The following COL4A4 variants were observed in gnomAD, a reference collection of about 807,000 sequenced individuals.
COL4A4 encodes the protein collagen type IV alpha 4 chain.
In COL4A4, 105 loss-of-function variants were observed where a neutral mutation model predicts 192.9. The ratio of observed to expected loss-of-function variants is 0.54; its 90% CI spans 0.46 to 0.64. The LOEUF (loss-of-function observed/expected upper bound fraction) is 0.64. Among genes scored for constraint, COL4A4 ranks in the 30% least tolerant of loss-of-function variants. COL4A4 has a pLI of 0.00. For missense variants in COL4A4, 1,967 were observed against 2,169.3 expected, an observed-to-expected ratio of 0.91 and a Z score of 1.85; for synonymous variants, 762 against 769.9, an observed-to-expected ratio of 0.99 and a Z score of 0.17.
chr2:227,055,836 G>T, intron 30 of COL4A4, 109 bp downstream of exon 30: 4 of 1,001,908 alleles, frequency 4.0e-6, no homozygotes, highest in Non-Finnish European at 6.1e-6. Context: ...GAAGGACAAA[G>T]CCAGACTAAC....
chr2:227,077,876 A>C lies in COL4A4; in HGVS notation c.1987+18T>G, dbSNP rs2150474510. 6.2e-7 allele frequency: 1 copy of C among 1,604,932 alleles called. No homozygotes were observed. On this transcript the variant is annotated intron_variant, in intron 25 of 47. Coordinates refer to ENST00000396625, the MANE Select transcript of COL4A4 (RefSeq NM_000092.5). ...TACCCCAAAGCTATTGAAATAAATA[A>C]AATTTTTTTAAAATTACCTTTCTGA... is the stretch of plus-strand genomic sequence containing the variant.
chr2:227,018,448 A>G (rs1575782934), intron 44 of COL4A4, among the ~76,000 whole-genome samples: 2 of 152,344 alleles, frequency 1.3e-5, no homozygotes, highest in South Asian at 4.1e-4. Context: ...CAATACAGCC[A>G]GTGTGCCCAG....
chr2:227,011,233 C>G (rs1963625628), intron 45 of COL4A4, among the ~76,000 whole-genome samples: 1 of 152,092 alleles, frequency 6.6e-6, no homozygotes, highest in African/African-American at 2.4e-5. Context: ...ACATTGAAAC[C>G]AAAAGGTATT....
chr2:227,104,765 A>T (rs542521690), intron 12 of COL4A4, among the ~76,000 whole-genome samples: 46 of 147,522 alleles, frequency 3.1e-4, no homozygotes, highest in African/African-American at 1.1e-3. Context: ...CTCAGCCTCC[A>T]GAGTAGCTGG....
At chr2:227,101,932 G>T (rs377569999) in intron 15 of COL4A4, 23 bp from the exon 16 acceptor site, 23 of 1,578,352 alleles carry the variant, frequency 1.5e-5, no homozygotes, top group Non-Finnish European at 1.9e-5. Flanking sequence ...CAAAAATCAG[G>T]ATAAACAGAA....
the COL4A4 span, among the ~76,000 whole-genome samples, chr2:226,971,199 A>C: frequency 6.6e-5 from 10 of 152,184 alleles, no homozygotes; most frequent in Non-Finnish European, 1.0e-4. Flanking sequence ...TCTTGCTCTC[A>C]TTCACTCCTG....
Position 227,002,818 on chromosome 2 carries a change from T to C in COL4A4, c.*4507A>G, listed in dbSNP as rs1472074292. On this transcript the variant is annotated 3_prime_UTR_variant, in exon 48 of 48. Transcript: ENST00000396625. ...GGCAGACCAGGCATCTTGCAAAAGTTACATGCTGAAAGTCTTTAACTTTAC... is the reference window on the plus strand; with the variant it reads ...GGCAGACCAGGCATCTTGCAAAAGTCACATGCTGAAAGTCTTTAACTTTAC... The C allele has an allele frequency of 6.6e-6, 1 of 152,536 alleles. No homozygotes were observed. Among genetic ancestry groups the C allele is most frequent in the Non-Finnish European group, 1.5e-5 (1 of 68,052 alleles). The allele number at this position is 152,536 out of a possible 1,614,324, so 9.4% of individuals were successfully genotyped here. A position where few individuals can be genotyped will look rare whatever the true frequency, so the allele number is the denominator to read the frequency against.
the COL4A4 span, among the ~76,000 whole-genome samples, chr2:226,990,737 C>T: frequency 6.6e-6 from 1 of 152,150 alleles, no homozygotes; most frequent in Non-Finnish European, 1.5e-5. Flanking sequence ...TATGATCTTA[C>T]TACTGGTGCT....
chr2:227,091,625 G>A (rs1279333898), intron 20 of COL4A4, among the ~76,000 whole-genome samples: 2 of 152,184 alleles, frequency 1.3e-5, no homozygotes, highest in South Asian at 4.1e-4. Context: ...CAGGCACGGT[G>A]GCTCACATCT....
intron 25 of COL4A4, among the ~76,000 whole-genome samples, chr2:227,069,471 C>T (rs1377112955): frequency 6.6e-6 from 1 of 152,018 alleles, no homozygotes; most frequent in African/African-American, 2.4e-5. Context: ...TCAAACTATA[C>T]TACAAGGCTA....
intron 44 of COL4A4, among the ~76,000 whole-genome samples, chr2:227,014,241 A>T (rs534760047): frequency 6.6e-6 from 1 of 152,146 alleles, no homozygotes; most frequent in African/African-American, 2.4e-5. Context: ...CAGAACCCCA[A>T]TGACATTCTG....
chr2:227,139,246 C>T (rs989458819), intron 4 of COL4A4, among the ~76,000 whole-genome samples: 4 of 152,152 alleles, frequency 2.6e-5, no homozygotes, highest in Non-Finnish European at 4.4e-5. Context: ...ATAAATTTCT[C>T]GTAAGCCACC....
In COL4A4 at chr2:227,158,181, A is replaced by T. The variant is rs1483909545; in HGVS notation, c.-102+5826T>A. Among the ~76,000 whole-genome samples, 8 of 152,148 alleles carry T rather than the reference A, an allele frequency of 5.3e-5. No homozygotes were observed. In the East Asian group the frequency reaches 1.5e-3, roughly 29 times the overall value. On this transcript the variant is annotated intron_variant, in intron 1 of 47. Transcript: ENST00000396625. ...AGATAAATGGAACCAAAAGACTCAAACATGATGATCAATTGATTTTTCACA... is the reference window on the plus strand; with the variant it reads ...AGATAAATGGAACCAAAAGACTCAATCATGATGATCAATTGATTTTTCACA...
At chr2:227,116,313 A>C (rs73082236) in intron 7 of COL4A4, among the ~76,000 whole-genome samples, 7,574 of 152,242 alleles carry the variant, frequency 0.05, 645 homozygotes, top group African/African-American at 0.17. Context: ...TAAAACACAT[A>C]GGTTTCAAAC....
At chr2:226,974,684 T>C in the COL4A4 span, among the ~76,000 whole-genome samples, 1 of 152,126 alleles carries the variant, frequency 6.6e-6, no homozygotes, top group African/African-American at 2.4e-5. Flanking sequence ...CCTGTGGAAG[T>C]GATTTGTATA....
At chr2:227,094,101 G>T in intron 20 of COL4A4, 24 bp downstream of exon 20, 4 of 1,606,418 alleles carry the variant, frequency 2.5e-6, no homozygotes, top group Non-Finnish European at 2.6e-6. Flanking sequence ...AAATGCTAAT[G>T]GATATGAATA....
At position 227,121,122 on chromosome 2, in the gene COL4A4, C is replaced by T; in HGVS notation, c.219G>A (p.Gln73=). The T allele has an allele frequency of 6.2e-7, 1 of 1,614,096 alleles. No homozygotes were observed. The highest frequency in any genetic ancestry group is 8.5e-7 in the Non-Finnish European group (1 of 1,179,996). The change falls in exon 5 of 48, where the codon CAG becomes CAA. Residue 73 remains glutamine, a synonymous_variant. Coordinates refer to ENST00000396625, the MANE Select transcript of COL4A4 (RefSeq NM_000092.5). Reference sequence around the variant, plus strand: ...GGGCTCCCAGGGGTCCAATTGGACCCTGTGGCCCTGGTGGTCCTGGTGGAC... The same window carrying T: ...GGGCTCCCAGGGGTCCAATTGGACCTTGTGGCCCTGGTGGTCCTGGTGGAC... The part of the protein sequence containing the change: ...SRGPPGPPGP[Q]GPIGPLGAPG...
chr2:227,078,100 C>A, intron 24 of COL4A4, 23 bp from the exon 25 acceptor site: 3 of 1,612,178 alleles, frequency 1.9e-6, no homozygotes, highest in South Asian at 2.2e-5. Context: ...TGTCATGAGT[C>A]AATTACCAAC....
chr2:227,127,260 T>C (rs1389015151), intron 4 of COL4A4, among the ~76,000 whole-genome samples: 2 of 152,268 alleles, frequency 1.3e-5, no homozygotes, highest in African/African-American at 4.8e-5. Context: ...GACAATCAGC[T>C]TGACAGCTGA....
Sources: allele counts gnomAD v4.1 joint callset (sites outside exome capture counted in the v4.1 genomes callset), GRCh38; gene constraint gnomAD v4.1.1; transcripts MANE v1.5; gene names NCBI Gene and HGNC (gene_info 2026-07-23, HGNC 2026-07-21).